Variants in ZNF880 observed in about 807,000 individuals in gnomAD.
ZNF880 encodes zinc finger protein 880, also known as zinc finger protein LOC400713.
A neutral mutation model predicts 11.8 loss-of-function variants in ZNF880; 12 were observed. The ratio of observed to expected loss-of-function variants is 1.02; its 90% CI spans 0.65 to 1.65. ZNF880 has a LOEUF of 1.65. ZNF880 is among the 40% of genes most tolerant of loss of function. The pLI, the probability that ZNF880 is intolerant of heterozygous loss-of-function variation, is 0.00. For missense variants in ZNF880, 601 were observed against 673.9 expected (o/e 0.89, Z 1.20); for synonymous variants, 210 against 232.4 (o/e 0.90, Z 0.88).
intron 3 of ZNF880, chr19:52,379,426 C>T (rs1190611794): frequency 2.4e-5 from 10 of 422,766 alleles, no homozygotes; most frequent in East Asian, 2.3e-4. Flanking sequence ...GATAGAGTCT[C>T]GCTCTGTCAC....
At chr19:52,373,268 T>A in intron 2 of ZNF880, 31 bp downstream of exon 2, 1 of 1,595,740 alleles carries the variant, frequency 6.3e-7, no homozygotes, top group Non-Finnish European at 8.5e-7. Context: ...GAAGTCAAGA[T>A]CTGCCCTGGT....
At chr19:52,369,901 C>A, upstream of ZNF880, 1 of 1,550,790 alleles carries the variant, frequency 6.4e-7, no homozygotes, top group Non-Finnish European at 8.7e-7. Flanking sequence ...CTGGCCTCGC[C>A]TCGCCTCTCA....
At chr19:52,377,717 G>A (rs975803930) in intron 3 of ZNF880, among the ~76,000 whole-genome samples, 2 of 152,234 alleles carry the variant, frequency 1.3e-5, no homozygotes, top group African/African-American at 2.4e-5. Flanking sequence ...GAAGGATACA[G>A]ATGAAGAGCC....
At chr19:52,392,251 T>C in the ZNF880 span, among the ~76,000 whole-genome samples, 1 of 151,800 alleles carries the variant, frequency 6.6e-6, no homozygotes, top group Admixed American at 6.6e-5. Context: ...TTGGAAACCA[T>C]GGACTGACTT....
downstream of ZNF880, chr19:52,389,352 C>T (rs1986981993): frequency 1.3e-5 from 2 of 152,340 alleles, no homozygotes; most frequent in Admixed American, 1.3e-4. Flanking sequence ...AATGGAGGCA[C>T]AGGTATTGGA....
chr19:52,371,080 C>G (rs1022252886), intron 1 of ZNF880, among the ~76,000 whole-genome samples: 1 of 152,106 alleles, frequency 6.6e-6, no homozygotes, highest in Non-Finnish European at 1.5e-5. Flanking sequence ...CACAGATGAG[C>G]AAGTCTATTG....
the ZNF880 span, chr19:52,397,590 T>C: frequency 6.6e-6 from 1 of 152,176 alleles, no homozygotes; most frequent in Non-Finnish European, 1.5e-5. Flanking sequence ...GCTTCCAGGG[T>C]AGGTGGGACT....
At chr19:52,393,981 C>G in the ZNF880 span, among the ~76,000 whole-genome samples, 9 of 151,500 alleles carry the variant, frequency 5.9e-5, no homozygotes, top group Non-Finnish European at 1.3e-4. Context: ...GGACTACAGG[C>G]ACCCGCCACC....
intron 1 of ZNF880, among the ~76,000 whole-genome samples, chr19:52,371,436 C>T (rs1986369366): frequency 6.6e-6 from 1 of 152,098 alleles, no homozygotes; most frequent in East Asian, 1.9e-4. Flanking sequence ...AGTGCAGTGG[C>T]ACCATCTCAG....
At chr19:52,373,910 C>T (rs1209707708) in intron 2 of ZNF880, among the ~76,000 whole-genome samples, 1 of 151,358 alleles carries the variant, frequency 6.6e-6, no homozygotes, top group Non-Finnish European at 1.5e-5. Context: ...ACCTCGTGAT[C>T]CGCCCACCTC....
chr19:52,385,294 G>A lies in ZNF880; in HGVS notation c.1714G>A (p.Gly572Arg), dbSNP rs1254826273. The A allele has an allele frequency of 6.4e-7, 1 of 1,551,992 alleles. No homozygotes were observed. The highest frequency in any genetic ancestry group is 1.4e-5 in the African/African-American group (1 of 73,164). Reference protein sequence around the residue: ...NLANHHRIHTGEKPYR With the variant: ...NLANHHRIHTREKPYR ...GGCAAATCATCACAGAATCCATACT[G>A]GAGAGAAACCGTACAGATGAAATGT... The change falls in exon 4 of 4, where the codon GGA becomes AGA. Residue 572 changes from glycine to arginine, a missense_variant. This residue lies in a region of ZNF880 where 177 missense variants were observed against 214.5 expected (regional missense o/e 0.83). Transcript: ENST00000422689.
chr19:52,374,445 C>T lies in ZNF880; in HGVS notation c.268+18C>T. On this transcript the variant is annotated intron_variant, in intron 3 of 3. Transcript: ENST00000422689. The stretch of plus-strand genomic sequence containing the variant: ...GAACGCAGGTAAGAGCTTGGATGGC[C>T]AGAGTGGAGGCCCCATAATTTTTTT... 4.4e-6 allele frequency: 7 copies of T among 1,603,834 alleles called. No homozygotes were observed. Among genetic ancestry groups the T allele is most frequent in the Non-Finnish European group, 6.0e-6 (7 of 1,175,006 alleles).
In ZNF880 at chr19:52,384,989, G is replaced by A. The variant is rs1346829880; in HGVS notation, c.1409G>A (p.Gly470Asp). ...AAACCTTACAGATGTGATGAATGTG[G>A]CAAGGACTTCACTCGAAATTCAAAC... ...GEKPYRCDEC[G>D]KDFTRNSNLA... The change falls in exon 4 of 4, where the codon GGC becomes GAC. Residue 470 changes from glycine (G) to aspartate (D), a missense_variant. Coordinates refer to ENST00000422689, the MANE Select transcript of ZNF880 (RefSeq NM_001145434.2). 7.0e-6 allele frequency: 11 copies of A among 1,566,358 alleles called. No homozygotes were observed. The highest frequency in any genetic ancestry group is 1.4e-5 in the African/African-American group (1 of 73,594).
At chr19:52,377,963 G>C (rs1986602365) in intron 3 of ZNF880, among the ~76,000 whole-genome samples, 1 of 152,106 alleles carries the variant, frequency 6.6e-6, no homozygotes, top group Non-Finnish European at 1.5e-5. Flanking sequence ...TTCTAGTTCA[G>C]GGATTTTTTA....
chr19:52,374,580 T>C, intron 3 of ZNF880, 153 bp downstream of exon 3: 1 of 941,494 alleles, frequency 1.1e-6, no homozygotes, highest in Non-Finnish European at 1.7e-6. Flanking sequence ...CAAGTGATCC[T>C]CCTTCCTCTG....
At chr19:52,372,178 G>A (rs1405172746) in intron 1 of ZNF880, among the ~76,000 whole-genome samples, 1 of 151,368 alleles carries the variant, frequency 6.6e-6, no homozygotes, top group Non-Finnish European at 1.5e-5. Flanking sequence ...AATAAAGTGA[G>A]ACTCCATCTA....
intron 3 of ZNF880, among the ~76,000 whole-genome samples, chr19:52,377,446 T>C (rs571338166): frequency 1.3e-5 from 2 of 152,168 alleles, no homozygotes; most frequent in Non-Finnish European, 1.5e-5. Flanking sequence ...GGCCATCTAA[T>C]AGTTTTCTAT....
At chr19:52,373,325 T>C in intron 2 of ZNF880, 88 bp downstream of exon 2, 2 of 1,357,334 alleles carry the variant, frequency 1.5e-6, no homozygotes, top group South Asian at 1.4e-5. Flanking sequence ...TAGGAGTCAC[T>C]GTATTGCTTG....
At chr19:52,367,385 A>G (rs1986160082), upstream of ZNF880, 2 of 152,340 alleles carry the variant, frequency 1.3e-5, no homozygotes, top group African/African-American at 2.4e-5. Context: ...TTGGCCTCCC[A>G]AAGTGCTGGG....
Sources: allele counts gnomAD v4.1 joint callset (sites outside exome capture counted in the v4.1 genomes callset), GRCh38; gene constraint gnomAD v4.1.1; regional missense constraint gnomAD v4.1.1; transcripts MANE v1.5; gene names NCBI Gene and HGNC (gene_info 2026-07-23, HGNC 2026-07-21).